The following TRPM1 variants were observed in gnomAD, a reference collection of about 807,000 sequenced individuals.
The protein encoded by TRPM1 is TRPM1-203 APA Isoform, Intron 10.
Under a neutral mutation model 149.4 loss-of-function variants are expected in TRPM1, and 113 were observed. That is an observed-to-expected ratio of 0.76 (90% CI 0.65 to 0.88). The LOEUF is 0.88. Ranked by LOEUF, TRPM1 falls within the 40% of genes least tolerant of loss-of-function variation. The pLI is 0.00. For missense variants in TRPM1, 1,976 were observed against 2,038.7 expected (o/e 0.97, Z 0.59); for synonymous variants, 741 against 759.5 (o/e 0.98, Z 0.40).
At chr15:31,131,392 T>C (rs1315047328) in intron 1 of TRPM1, among the ~76,000 whole-genome samples, 1 of 152,152 alleles carries the variant, frequency 6.6e-6, no homozygotes, top group Non-Finnish European at 1.5e-5. Context: ...CTTAGTTTGC[T>C]AAGATCTACA....
At chr15:31,141,327 T>G (rs1284644625) in intron 1 of TRPM1, among the ~76,000 whole-genome samples, 1 of 152,192 alleles carries the variant, frequency 6.6e-6, no homozygotes, top group Non-Finnish European at 1.5e-5. Flanking sequence ...TATTAAAATT[T>G]TTAATTAATA....
intron 1 of TRPM1, among the ~76,000 whole-genome samples, chr15:31,115,119 A>G (rs1372637725): frequency 6.6e-6 from 1 of 152,098 alleles, no homozygotes; most frequent in Admixed American, 6.6e-5. Context: ...TTAGTCGAGC[A>G]TGGTGGCGGG....
chr15:31,061,282 C>G (rs1167118604), intron 10 of TRPM1, among the ~76,000 whole-genome samples, 160 bp downstream of exon 10: 1 of 152,190 alleles, frequency 6.6e-6, no homozygotes, highest in Admixed American at 6.5e-5. Context: ...AAACAGCGAG[C>G]CTTGTCATTC....
intron 1 of TRPM1, among the ~76,000 whole-genome samples, chr15:31,084,676 CTTTTTTTTT>C (rs59470983): frequency 7.8e-6 from 1 of 128,486 alleles, no homozygotes; most frequent in African/African-American, 3.0e-5. Flanking sequence ...TTTTTCTTTT[CTTTTTTTTT>C]TTTTTTGAGA....
At chr15:31,130,889 C>T (rs1264932694) in intron 1 of TRPM1, among the ~76,000 whole-genome samples, 1 of 152,176 alleles carries the variant, frequency 6.6e-6, no homozygotes, top group African/African-American at 2.4e-5. Context: ...TCCCATCTCC[C>T]GTACGGCCAG....
At chr15:31,138,068 C>T (rs556041257) in intron 1 of TRPM1, among the ~76,000 whole-genome samples, 1 of 152,214 alleles carries the variant, frequency 6.6e-6, no homozygotes, top group African/African-American at 2.4e-5. Context: ...ACTTATGGGC[C>T]AAGCAAAGCC....
intron 17 of TRPM1, among the ~76,000 whole-genome samples, chr15:31,041,360 C>A (rs2033611236): frequency 6.6e-6 from 1 of 152,116 alleles, no homozygotes; most frequent in South Asian, 2.1e-4. Context: ...CCATGTTAGC[C>A]AGGATGGTCT....
chr15:31,137,212 T>C (rs112425922), intron 1 of TRPM1, among the ~76,000 whole-genome samples: 2 of 152,214 alleles, frequency 1.3e-5, no homozygotes, highest in Admixed American at 6.5e-5. Flanking sequence ...AAGTGGTTAT[T>C]ACTGGAGGGA....
intron 1 of TRPM1, among the ~76,000 whole-genome samples, chr15:31,110,090 G>A (rs1596077891): frequency 6.6e-6 from 1 of 152,184 alleles, no homozygotes; most frequent in South Asian, 2.1e-4. Context: ...GGCTGCAGAG[G>A]TGGGCTTCCA....
intron 1 of TRPM1, among the ~76,000 whole-genome samples, chr15:31,089,498 A>C (rs1021508761): frequency 6.6e-6 from 1 of 152,222 alleles, no homozygotes; most frequent in Non-Finnish European, 1.5e-5. Context: ...GCTGGAGAAC[A>C]CTGGGGAGGC....
Position 31,004,828 on chromosome 15 carries a change from G to A in TRPM1, c.3630-1758C>T, listed in dbSNP as rs530686439. Among the ~76,000 whole-genome samples, 8 of 152,092 alleles carry A rather than the reference G, an allele frequency of 5.3e-5. No homozygotes were observed. The South Asian group carries it at 1.0e-3, about 20-fold the overall frequency. On this transcript the variant is annotated intron_variant, in intron 27 of 27. Coordinates refer to ENST00000256552, the MANE Select transcript of TRPM1 (RefSeq NM_001252024.2). ...TAAAAATAATGGCTCCTGGCCGCACGCAGTGGCTCACACCTGTAATCCCAG... is the reference window on the plus strand; with the variant it reads ...TAAAAATAATGGCTCCTGGCCGCACACAGTGGCTCACACCTGTAATCCCAG...
chr15:31,097,620 A>G (rs1369620099), intron 1 of TRPM1, among the ~76,000 whole-genome samples: 1 of 152,206 alleles, frequency 6.6e-6, no homozygotes, highest in African/African-American at 2.4e-5. Flanking sequence ...GTACCAAATC[A>G]TGGACTATGC....
intron 1 of TRPM1, among the ~76,000 whole-genome samples, chr15:31,149,903 T>C (rs79214024): frequency 0.048 from 7,342 of 152,316 alleles, 169 homozygotes; most frequent in South Asian, 0.09. Context: ...TTGGCGAGCA[T>C]TGACGATTTG....
intron 23 of TRPM1, 148 bp downstream of exon 23, chr15:31,030,835 C>T: frequency 1.1e-6 from 1 of 878,002 alleles, no homozygotes; most frequent in East Asian, 2.6e-5. Context: ...ATAATTTGTT[C>T]TTATTTCTTT....
At chr15:31,107,729 C>T (rs2035627602) in intron 1 of TRPM1, among the ~76,000 whole-genome samples, 2 of 151,914 alleles carry the variant, frequency 1.3e-5, no homozygotes, top group Non-Finnish European at 1.5e-5. Flanking sequence ...TAGCTGCATC[C>T]AATATAGTTT....
At chr15:31,034,202 A>G (rs1193654101) in intron 21 of TRPM1, among the ~76,000 whole-genome samples, 1 of 152,220 alleles carries the variant, frequency 6.6e-6, no homozygotes, top group Non-Finnish European at 1.5e-5. Flanking sequence ...TATCCGGCCT[A>G]TCTTTCCTCT....
chr15:31,029,246 G>T, intron 24 of TRPM1, 125 bp downstream of exon 24: 1 of 1,010,026 alleles, frequency 9.9e-7, no homozygotes, highest in Non-Finnish European at 1.5e-6. Context: ...AGCTTAAAAA[G>T]TACTGGCACC....
At chr15:31,143,224 C>G (rs1177434912) in intron 1 of TRPM1, among the ~76,000 whole-genome samples, 3 of 152,196 alleles carry the variant, frequency 2.0e-5, no homozygotes, top group African/African-American at 7.2e-5. Flanking sequence ...GTAAGAAAGT[C>G]TAAAGTTCAA....
At position 31,067,056 on chromosome 15, in the gene TRPM1, CACTT is replaced by C. The variant is rs781610444; in HGVS notation, c.618+3_618+6del. On this transcript the variant is annotated splice_donor_5th_base_variant and intron_variant, in intron 6 of 27. Transcript: ENST00000256552. ...AAACTGCCAACATTTGCAGAGAAAA[CACTT>C]ACATCCTTTCCAACCAGGTCTTCCT... is the stretch of plus-strand genomic sequence containing the variant. 1.2e-5 allele frequency: 19 copies of C among 1,614,046 alleles called. No individual in the cohort carries two copies. The highest frequency in any genetic ancestry group is 8.9e-5 in the East Asian group (4 of 44,902).
Sources: gnomAD v4.1 joint callset for allele counts (sites outside exome capture counted in the v4.1 genomes callset) on GRCh38, gnomAD v4.1.1 for gene constraint, MANE v1.5 for transcripts, NCBI Gene and HGNC (gene_info 2026-07-23, HGNC 2026-07-21) for gene names.